METTL14: variants seen among roughly 807,000 people sequenced by gnomAD.
METTL14 encodes methyltransferase 14, N6-adenosine-methyltransferase non-catalytic subunit, also known as N(6)-adenosine-methyltransferase non-catalytic subunit METTL14.
In METTL14, 32 loss-of-function variants were observed where a neutral mutation model predicts 62.4. The observed-to-expected ratio is 0.51, with a 90% CI of 0.39 to 0.69. METTL14 has a LOEUF of 0.69. METTL14 is among the 30% of genes least tolerant of loss of function. METTL14 has a pLI of 0.00. For missense variants in METTL14, 340 were observed against 551.9 expected (o/e 0.62, Z 3.85); for synonymous variants, 150 against 180.0 (o/e 0.83, Z 1.34).
At chr4:118,689,183 A>G (rs2110464484) in intron 2 of METTL14, among the ~76,000 whole-genome samples, 187 bp from the exon 3 acceptor site, 1 of 152,332 alleles carries the variant, frequency 6.6e-6, no homozygotes, top group South Asian at 2.1e-4. Flanking sequence ...TTTCTGATAA[A>G]AATGAAACAC....
chr4:118,697,408 T>C, intron 7 of METTL14, 85 bp downstream of exon 7: 1 of 1,177,760 alleles, frequency 8.5e-7, no homozygotes, highest in Non-Finnish European at 1.2e-6. Flanking sequence ...ATAATAAATA[T>C]CATCCCTACT....
chr4:118,715,021 A>G lies in METTL14; in HGVS notation c.*4719A>G, dbSNP rs1259516678. 6.6e-6 allele frequency: 1 copy of G among 152,272 alleles called. No homozygotes were observed. The highest frequency in any genetic ancestry group is 2.4e-5 in the African/African-American group (1 of 41,472). The allele number at this position is 152,272 out of a possible 1,614,324, so 9.4% of individuals were successfully genotyped here. ...TGAAAGCATATTAAGTAGTTGGCTT[A>G]CTTTGGAACACACAGTAGACTGAAA... On this transcript the variant is annotated 3_prime_UTR_variant, in exon 11 of 11. Transcript: ENST00000388822.
intron 4 of METTL14, 149 bp downstream of exon 4, chr4:118,691,761 A>G: frequency 1.7e-6 from 1 of 590,918 alleles, no homozygotes; most frequent in Non-Finnish European, 2.9e-6. Context: ...TTACTCATGA[A>G]ATAGTCTTCT....
chr4:118,694,858 G>A (rs1255457378), intron 6 of METTL14, among the ~76,000 whole-genome samples: 2 of 152,006 alleles, frequency 1.3e-5, no homozygotes, highest in African/African-American at 4.8e-5. Context: ...GTGGAGTGTA[G>A]TGGCGCAATC....
chr4:118,697,800 A>C (rs1440417344), intron 7 of METTL14, among the ~76,000 whole-genome samples: 2 of 152,176 alleles, frequency 1.3e-5, no homozygotes, highest in Non-Finnish European at 2.9e-5. Flanking sequence ...AGTCCTGCAT[A>C]AGATGACATG....
chr4:118,710,227 T>C lies in METTL14; in HGVS notation c.1296T>C (p.Ser432=), dbSNP rs1724878276. Residue 432 remains serine (S), a synonymous_variant, in exon 11 of 11, where the codon TCT becomes TCC. Transcript: ENST00000388822. ...GCCGTGGACGAGAAAGAAATAGATC[T>C]AACTTCCGAGGAGAAAGAGGTGGCT... is the stretch of plus-strand genomic sequence containing the variant. ...SAGRGRERNR[S]NFRGERGGFR... 1.2e-6 allele frequency: 2 copies of C among 1,614,070 alleles called. No individual in the cohort carries two copies. Among genetic ancestry groups the C allele is most frequent in the Admixed American group, 3.3e-5 (2 of 60,006 alleles).
intron 2 of METTL14, among the ~76,000 whole-genome samples, 166 bp downstream of exon 2, chr4:118,688,177 G>A (rs1724134039): frequency 6.6e-6 from 1 of 151,986 alleles, no homozygotes; most frequent in East Asian, 1.9e-4. Flanking sequence ...TGAGATTACA[G>A]ATATGAGCCA....
intron 3 of METTL14, 58 bp downstream of exon 3, chr4:118,689,515 T>G (rs945209995): frequency 4.0e-6 from 4 of 997,980 alleles, no homozygotes; most frequent in Non-Finnish European, 6.0e-6. Context: ...AAATGATAGA[T>G]TCATATCCAG....
At chr4:118,695,165 G>T (rs1724369152) in intron 6 of METTL14, among the ~76,000 whole-genome samples, 2 of 152,104 alleles carry the variant, frequency 1.3e-5, no homozygotes. Flanking sequence ...TTAATTTGAA[G>T]CTCTGGTGCT....
At chr4:118,698,881 T>C (rs1319186152) in intron 7 of METTL14, among the ~76,000 whole-genome samples, 2 of 152,176 alleles carry the variant, frequency 1.3e-5, no homozygotes, top group Non-Finnish European at 2.9e-5. Context: ...ATAAAATCCA[T>C]GTAAATAGAT....
In METTL14 at chr4:118,703,917, A is replaced by G; in HGVS notation, c.739-18A>G. ...TCTTTAAGTTAAGGATTTGTGTTTA[A>G]AATTCTTTTGTTTCTAGTGTTTACG... On this transcript the variant is annotated intron_variant, in intron 8 of 10. Coordinates refer to ENST00000388822, the MANE Select transcript of METTL14 (RefSeq NM_020961.4). 2.2e-6 allele frequency: 3 copies of G among 1,379,554 alleles called. No homozygotes were observed. Among genetic ancestry groups the G allele is most frequent in the Non-Finnish European group, 2.0e-6 (2 of 1,002,668 alleles). The allele number at this position is 1,379,554 out of a possible 1,614,324, so 85.5% of individuals were successfully genotyped here. A position where few individuals can be genotyped will look rare whatever the true frequency, so the allele number is the denominator to read the frequency against.
At chr4:118,706,723 G>A (rs1724766687) in intron 10 of METTL14, among the ~76,000 whole-genome samples, 1 of 152,182 alleles carries the variant, frequency 6.6e-6, no homozygotes, top group South Asian at 2.1e-4. Context: ...CTGTTGCTCT[G>A]CATCCTCACC....
chr4:118,710,071 T>C lies in METTL14; in HGVS notation c.1140T>C (p.Ala380=). The change falls in exon 11 of 11, where the codon GCT becomes GCC. Residue 380 remains alanine (A), a synonymous_variant. Coordinates refer to ENST00000388822, the MANE Select transcript of METTL14 (RefSeq NM_020961.4). ...AAACATATGCATCCTATTTCAGTGC[T>C]CCTAATTCCTACTTGACTGGTTGTA... The part of the protein sequence containing the change: ...NAETYASYFS[A]PNSYLTGCTE... 1 of 1,614,222 alleles carries C rather than the reference T, an allele frequency of 6.2e-7. No individual in the cohort carries two copies. The highest frequency in any genetic ancestry group is 8.5e-7 in the Non-Finnish European group (1 of 1,180,028).
At chr4:118,691,695 C>A in intron 4 of METTL14, 83 bp downstream of exon 4, 1 of 678,890 alleles carries the variant, frequency 1.5e-6, no homozygotes, top group Non-Finnish European at 2.4e-6. Context: ...TGTTTGTCTT[C>A]AAGATGTTTT....
chr4:118,702,030 G>C (rs1373853372), intron 8 of METTL14, among the ~76,000 whole-genome samples: 1 of 151,782 alleles, frequency 6.6e-6, no homozygotes, highest in Non-Finnish European at 1.5e-5. Flanking sequence ...AGGTATATTG[G>C]TGTTTACTTT....
intron 10 of METTL14, among the ~76,000 whole-genome samples, chr4:118,707,209 A>G (rs1337898913): frequency 2.0e-5 from 3 of 152,326 alleles, no homozygotes; most frequent in African/African-American, 7.2e-5. Flanking sequence ...AAAAAGAAAG[A>G]AAGAAATTGA....
rs1040670910 is a variant in METTL14 at position 118,685,430 on chromosome 4, G to A, written c.-105G>A. ...GGAAAGCTATGAGGATACTCTGTTC[G>A]TAAGCTCCCGGTGAATTTTGTTCCA... On this transcript the variant is annotated 5_prime_UTR_variant, in exon 1 of 11. Transcript: ENST00000388822. 1.7e-5 allele frequency: 20 copies of A among 1,165,114 alleles called. No homozygotes were observed. Among genetic ancestry groups the A allele is most frequent in the Non-Finnish European group, 2.3e-5 (18 of 777,310 alleles). 72.2% of individuals were successfully genotyped at this position (1,165,114 alleles called of 1,614,324 possible). A position where few individuals can be genotyped will look rare whatever the true frequency, so the allele number is the denominator to read the frequency against.
intron 5 of METTL14, among the ~76,000 whole-genome samples, chr4:118,692,509 C>A (rs1724281461): frequency 6.6e-6 from 1 of 152,142 alleles, no homozygotes; most frequent in South Asian, 2.1e-4. Flanking sequence ...CTCAGGTGAT[C>A]TGCCTGCCTC....
chr4:118,689,648 C>CTT lies in METTL14; in HGVS notation c.243+203_243+204dup, dbSNP rs70941199. On this transcript the variant is annotated intron_variant, in intron 3 of 10. Coordinates refer to ENST00000388822, the MANE Select transcript of METTL14 (RefSeq NM_020961.4). ...TTTCTTATCTTTTTCTTTTCTTTTC[C>CTT]TTTTTTTTTTTTTGTGACGGAGTCT... Among the ~76,000 whole-genome samples, 132 of 143,658 alleles carry CTT rather than the reference C, an allele frequency of 9.2e-4. 1 individual carries two copies. Among genetic ancestry groups the CTT allele is most frequent in the African/African-American group, 2.0e-3 (80 of 39,394 alleles). The allele number at this position is 143,658 out of a possible 152,430, so 94.2% of individuals were successfully genotyped here.
Sources: gnomAD v4.1 joint callset for allele counts (sites outside exome capture counted in the v4.1 genomes callset) on GRCh38, gnomAD v4.1.1 for gene constraint, MANE v1.5 for transcripts, NCBI Gene and HGNC (gene_info 2026-07-23, HGNC 2026-07-21) for gene names.